RARB: variants seen among roughly 807,000 people sequenced by gnomAD.
RARB encodes HBV-activated protein.
Under a neutral mutation model 51.9 loss-of-function variants are expected in RARB, and 17 were observed. The ratio of observed to expected loss-of-function variants is 0.33; its 90% CI spans 0.22 to 0.49. The LOEUF is 0.49. Ranked by LOEUF, RARB falls within the 20% of genes least tolerant of loss-of-function variation. RARB has a pLI of 0.99. For synonymous variants in RARB, 215 were observed against 195.4 expected (o/e 1.10, Z -0.84); for missense variants, 369 against 550.8 (o/e 0.67, Z 3.30).
chr3:25,176,339 TTCCTTCCTTCC>T (rs1559493178), intron 5 of RARB, among the ~76,000 whole-genome samples: 2,470 of 71,234 alleles, frequency 0.035, 77 homozygotes, highest in African/African-American at 0.051. Context: ...CTTTCTTTCC[TTCCTTCCTTCC>T]TTCCTTCCTT....
intron 2 of RARB, among the ~76,000 whole-genome samples, chr3:25,482,237 T>G (rs1384151615): frequency 2.6e-5 from 4 of 152,200 alleles, no homozygotes; most frequent in African/African-American, 9.7e-5. Context: ...TATCAAACAT[T>G]TGTCGCAATA....
At chr3:25,339,290 TG>T (rs1164591112) in intron 5 of RARB, among the ~76,000 whole-genome samples, 1 of 152,202 alleles carries the variant, frequency 6.6e-6, no homozygotes, top group Non-Finnish European at 1.5e-5. Context: ...GTATAACAAC[TG>T]GAAGTGTAAA....
chr3:25,406,175 G>C (rs539347795), intron 5 of RARB, among the ~76,000 whole-genome samples: 7 of 152,256 alleles, frequency 4.6e-5, no homozygotes, highest in African/African-American at 1.4e-4. Flanking sequence ...CCACATTCAG[G>C]TCATGGATAT....
intron 2 of RARB, among the ~76,000 whole-genome samples, chr3:25,464,751 T>G (rs76303288): frequency 0.17 from 26,131 of 152,076 alleles, 2,557 homozygotes; most frequent in African/African-American, 0.25. Flanking sequence ...AAACAACCAT[T>G]ATTCTACCCT....
At chr3:24,949,893 T>C (rs1695852759) in intron 2 of RARB, among the ~76,000 whole-genome samples, 1 of 152,198 alleles carries the variant, frequency 6.6e-6, no homozygotes, top group Non-Finnish European at 1.5e-5. Flanking sequence ...CTAGCCTACA[T>C]TGGCACTGGT....
chr3:25,254,755 A>C (rs1347041079), intron 5 of RARB, among the ~76,000 whole-genome samples: 1 of 152,126 alleles, frequency 6.6e-6, no homozygotes, highest in African/African-American at 2.4e-5. Context: ...GGGGAGATAA[A>C]AGAAAATGAA....
intron 2 of RARB, among the ~76,000 whole-genome samples, chr3:24,867,916 A>G (rs1345361850): frequency 6.6e-6 from 1 of 152,184 alleles, no homozygotes; most frequent in East Asian, 1.9e-4. Context: ...TTTCAAGTCG[A>G]CTGTGAAATG....
At chr3:25,214,706 C>A (rs1701779426) in intron 5 of RARB, among the ~76,000 whole-genome samples, 1 of 152,160 alleles carries the variant, frequency 6.6e-6, no homozygotes, top group South Asian at 2.1e-4. Context: ...ATGAAAGTGT[C>A]CTGTTCTGAG....
intron 5 of RARB, among the ~76,000 whole-genome samples, chr3:25,275,158 G>A (rs1424389268): frequency 6.6e-6 from 1 of 152,136 alleles, no homozygotes; most frequent in Non-Finnish European, 1.5e-5. Context: ...GACTCTCCGT[G>A]AGCACCTCTT....
chr3:25,419,893 G>A (rs562998825), intron 5 of RARB, among the ~76,000 whole-genome samples: 1 of 152,100 alleles, frequency 6.6e-6, no homozygotes, highest in Non-Finnish European at 1.5e-5. Flanking sequence ...TGAAGCAACT[G>A]TAACTTCATC....
intron 3 of RARB, among the ~76,000 whole-genome samples, chr3:25,561,236 T>C (rs1700255641): frequency 6.6e-6 from 1 of 152,164 alleles, no homozygotes; most frequent in African/African-American, 2.4e-5. Flanking sequence ...GGGTGGGATC[T>C]TTGAGTGGTA....
chr3:25,306,986 A>C (rs1704168690), intron 5 of RARB, among the ~76,000 whole-genome samples: 1 of 152,184 alleles, frequency 6.6e-6, no homozygotes, highest in Non-Finnish European at 1.5e-5. Flanking sequence ...AGAGAGATAC[A>C]TTCCTTCACA....
At chr3:25,009,404 A>T (rs1697346861) in intron 2 of RARB, among the ~76,000 whole-genome samples, 1 of 152,146 alleles carries the variant, frequency 6.6e-6, no homozygotes, top group South Asian at 2.1e-4. Context: ...TAAAGCAATC[A>T]TGCCCTTACA....
In RARB at chr3:24,995,549, T is replaced by C. The variant is rs143798812; in HGVS notation, c.-379-64576T>C. Among the ~76,000 whole-genome samples, 449 of 152,194 alleles carry C rather than the reference T, an allele frequency of 3.0e-3. 3 individuals are homozygous for C. The highest frequency in any genetic ancestry group is 0.01 in the African/African-American group (433 of 41,550). On this transcript the variant is annotated intron_variant, in intron 2 of 11. Transcript: ENST00000383772. ...GTGGGCATTCTTACGTTGTTTCAGT[T>C]CTTAGAGGAAAATCTTTCAGCTTTT...
At position 25,163,210 on chromosome 3, in the gene RARB, G is replaced by GA. The variant is rs1473683485; in HGVS notation, c.-279-10904dup. 4.6e-5 allele frequency among the ~76,000 whole-genome samples: 7 copies of GA among 152,192 alleles called. No homozygotes were observed. The East Asian group carries it at 7.7e-4, about 17-fold the overall frequency. ...GAAACTAGACATTTCTTCCACACCTGAAAAATAATTATTTGTGGTGTGGTG... is the reference window on the plus strand; with the variant it reads ...GAAACTAGACATTTCTTCCACACCTGAAAAAATAATTATTTGTGGTGTGGTG... On this transcript the variant is annotated intron_variant, in intron 4 of 11. Coordinates refer to the RARB transcript ENST00000383772.
chr3:25,071,744 A>C (rs116059801), intron 3 of RARB, among the ~76,000 whole-genome samples: 2,283 of 152,312 alleles, frequency 0.015, 44 homozygotes, highest in African/African-American at 0.048. Context: ...GCCTTATGGT[A>C]TAAGGAGAGG....
At chr3:24,956,576 C>G (rs1199106083) in intron 2 of RARB, among the ~76,000 whole-genome samples, 1 of 152,166 alleles carries the variant, frequency 6.6e-6, no homozygotes, top group East Asian at 1.9e-4. Context: ...GTTATAATCC[C>G]AGACACATTT....
chr3:25,235,839 C>A (rs1055400230), intron 5 of RARB, among the ~76,000 whole-genome samples: 1 of 152,122 alleles, frequency 6.6e-6, no homozygotes, highest in Admixed American at 6.5e-5. Context: ...TAATTTTCCC[C>A]ATAGTATTTG....
At chr3:25,398,128 A>C (rs1410208376) in intron 5 of RARB, among the ~76,000 whole-genome samples, 1 of 152,110 alleles carries the variant, frequency 6.6e-6, no homozygotes, top group Non-Finnish European at 1.5e-5. Context: ...ACTAGTTTCC[A>C]CCAAAATAGA....
Sources: gnomAD v4.1 joint callset for allele counts (sites outside exome capture counted in the v4.1 genomes callset) on GRCh38, gnomAD v4.1.1 for gene constraint, MANE v1.5 for transcripts, NCBI Gene and HGNC (gene_info 2026-07-23, HGNC 2026-07-21) for gene names.